ZFAND3: variants seen among roughly 807,000 people sequenced by gnomAD.
The protein encoded by ZFAND3 is zinc finger AN1-type containing 3, also known as AN1-type zinc finger protein 3.
Under a neutral mutation model 29.6 loss-of-function variants are expected in ZFAND3, and 10 were observed. The observed-to-expected ratio is 0.34, with a 90% CI of 0.21 to 0.57. ZFAND3 has a LOEUF of 0.57. Ranked by LOEUF, ZFAND3 falls within the 20% of genes least tolerant of loss-of-function variation. The probability of loss-of-function intolerance (pLI) is 0.86; values close to 1 mark genes in which losing one functional copy is unlikely to be tolerated. For synonymous variants in ZFAND3, 128 were observed against 112.6 expected, an observed-to-expected ratio of 1.14 and a Z score of -0.87; for missense variants, 230 against 304.5, an observed-to-expected ratio of 0.76 and a Z score of 1.82.
chr6:37,870,689 T>C (rs1238243639), intron 1 of ZFAND3, among the ~76,000 whole-genome samples: 1 of 152,096 alleles, frequency 6.6e-6, no homozygotes, highest in African/African-American at 2.4e-5. Flanking sequence ...TAGTAATTCT[T>C]TTGTGAATGA....
At chr6:38,031,971 A>G (rs1763570492) in intron 2 of ZFAND3, among the ~76,000 whole-genome samples, 1 of 151,980 alleles carries the variant, frequency 6.6e-6, no homozygotes, top group Non-Finnish European at 1.5e-5. Context: ...AGCTGGGACT[A>G]CAGGGGTATG....
chr6:37,938,636 G>C (rs1457891530), intron 2 of ZFAND3, among the ~76,000 whole-genome samples: 1 of 152,186 alleles, frequency 6.6e-6, no homozygotes, highest in Non-Finnish European at 1.5e-5. Flanking sequence ...GATTAGCAGT[G>C]CTGGACTGTG....
At chr6:37,928,739 C>T in intron 1 of ZFAND3, among the ~76,000 whole-genome samples, 1 of 152,164 alleles carries the variant, frequency 6.6e-6, no homozygotes, top group Admixed American at 6.5e-5. Context: ...TGGTCTTGAA[C>T]TCCTGAGCTC....
At chr6:37,909,113 T>C (rs1456756412) in intron 1 of ZFAND3, among the ~76,000 whole-genome samples, 1 of 152,112 alleles carries the variant, frequency 6.6e-6, no homozygotes, top group African/African-American at 2.4e-5. Flanking sequence ...GTAGTAAGTG[T>C]GGAGATGGAT....
At chr6:38,027,417 G>A (rs1763471816) in intron 2 of ZFAND3, among the ~76,000 whole-genome samples, 1 of 152,054 alleles carries the variant, frequency 6.6e-6, no homozygotes. Flanking sequence ...TTTTTCTAAG[G>A]TTACCTTTTC....
chr6:37,852,800 C>G (rs770311147), intron 1 of ZFAND3, among the ~76,000 whole-genome samples: 16 of 151,650 alleles, frequency 1.1e-4, no homozygotes, highest in Non-Finnish European at 2.2e-4. Context: ...ACTGCAATCT[C>G]CACCTCCTGG....
intron 2 of ZFAND3, among the ~76,000 whole-genome samples, chr6:37,982,837 A>G (rs1762602708): frequency 6.6e-6 from 1 of 152,206 alleles, no homozygotes; most frequent in African/African-American, 2.4e-5. Flanking sequence ...TGATAGCTCT[A>G]TACCTGTTAC....
chr6:38,027,676 C>G (rs893195913), intron 2 of ZFAND3, among the ~76,000 whole-genome samples: 2 of 152,100 alleles, frequency 1.3e-5, no homozygotes, highest in Non-Finnish European at 2.9e-5. Context: ...GGCTGGCTGC[C>G]TCGGTAGGTA....
At chr6:38,002,007 CA>C (rs1341730285) in intron 2 of ZFAND3, among the ~76,000 whole-genome samples, 3 of 151,994 alleles carry the variant, frequency 2.0e-5, no homozygotes, top group African/African-American at 7.2e-5. Context: ...ACATTTTTAC[CA>C]GTGAAAATAC....
At chr6:38,078,528 A>G (rs1278283426) in intron 3 of ZFAND3, among the ~76,000 whole-genome samples, 2 of 152,202 alleles carry the variant, frequency 1.3e-5, no homozygotes, top group African/African-American at 4.8e-5. Flanking sequence ...GCTAAAAGTT[A>G]TTTCAGGTTG....
intron 1 of ZFAND3, among the ~76,000 whole-genome samples, chr6:37,889,696 T>G (rs981529090): frequency 1.5e-4 from 23 of 152,236 alleles, no homozygotes; most frequent in Admixed American, 1.2e-3. Flanking sequence ...GAATGTGCCA[T>G]GGGGCATTGC....
At chr6:37,902,665 A>G (rs144628973) in intron 1 of ZFAND3, among the ~76,000 whole-genome samples, 4 of 152,202 alleles carry the variant, frequency 2.6e-5, no homozygotes, top group African/African-American at 9.6e-5. Flanking sequence ...TCCTTTTTTA[A>G]AAAAGTAATT....
intron 1 of ZFAND3, among the ~76,000 whole-genome samples, chr6:37,880,533 A>C (rs936903146): frequency 1.3e-5 from 2 of 152,146 alleles, no homozygotes; most frequent in Non-Finnish European, 2.9e-5. Flanking sequence ...CCAGGATGAG[A>C]TACCCCCTCT....
chr6:37,952,823 CAG>C (rs1427586284), intron 2 of ZFAND3, among the ~76,000 whole-genome samples: 9 of 151,684 alleles, frequency 5.9e-5, no homozygotes, highest in Non-Finnish European at 1.5e-5. Flanking sequence ...TCCTCTAGCC[CAG>C]AGTCTGTGTC....
At chr6:38,028,023 T>C (rs1763481904) in intron 2 of ZFAND3, among the ~76,000 whole-genome samples, 1 of 152,234 alleles carries the variant, frequency 6.6e-6, no homozygotes, top group African/African-American at 2.4e-5. Context: ...TCAAGTTGTC[T>C]GCTCTGTTTA....
intron 1 of ZFAND3, among the ~76,000 whole-genome samples, chr6:37,907,065 A>G (rs1370558409): frequency 6.7e-6 from 1 of 149,440 alleles, no homozygotes; most frequent in Admixed American, 6.7e-5. Flanking sequence ...TTTTTTTTGT[A>G]GAAATGAAAT....
chr6:37,966,122 A>G (rs191452586), intron 2 of ZFAND3, among the ~76,000 whole-genome samples: 1 of 152,280 alleles, frequency 6.6e-6, no homozygotes, highest in Admixed American at 6.5e-5. Flanking sequence ...TGGTTTGTAG[A>G]CAAAGGGGGA....
At chr6:37,912,347 A>G (rs766305931) in intron 1 of ZFAND3, among the ~76,000 whole-genome samples, 2 of 152,184 alleles carry the variant, frequency 1.3e-5, no homozygotes, top group African/African-American at 2.4e-5. Context: ...AGGTGGCTCA[A>G]TAGAAAACTT....
At chr6:38,057,080 G>T (rs956794230) in intron 2 of ZFAND3, among the ~76,000 whole-genome samples, 2 of 152,068 alleles carry the variant, frequency 1.3e-5, no homozygotes, top group Non-Finnish European at 2.9e-5. Flanking sequence ...CATTTAGAGA[G>T]GTGGGTAAGC....
Sources: allele counts gnomAD v4.1 joint callset (sites outside exome capture counted in the v4.1 genomes callset), GRCh38; gene constraint gnomAD v4.1.1; transcripts MANE v1.5; gene names NCBI Gene and HGNC (gene_info 2026-07-23, HGNC 2026-07-21).